The following KIF13A variants were observed in gnomAD, a reference collection of about 807,000 sequenced individuals.
KIF13A encodes the protein kinesin-like protein KIF13A.
KIF13A carries 79 observed loss-of-function variants against 212.2 expected under a neutral mutation model. That is an observed-to-expected ratio of 0.37 (90% CI 0.31 to 0.45). The LOEUF (loss-of-function observed/expected upper bound fraction) is 0.45, where lower values mean the gene tolerates loss of function less well. Among genes scored for constraint, KIF13A ranks in the 20% least tolerant of loss-of-function variants. The probability of loss-of-function intolerance (pLI) is 1.00; values close to 1 mark genes in which losing one functional copy is unlikely to be tolerated. For synonymous variants in KIF13A, 789 were observed against 808.6 expected (o/e 0.98, Z 0.41); for missense variants, 1,901 against 2,209.0 (o/e 0.86, Z 2.79).
intron 2 of KIF13A, among the ~76,000 whole-genome samples, chr6:17,972,396 T>C (rs1317041095): frequency 6.6e-6 from 1 of 152,210 alleles, no homozygotes; most frequent in East Asian, 1.9e-4. Flanking sequence ...TTAAAAACCT[T>C]ACAAAGGTCC....
intron 9 of KIF13A, among the ~76,000 whole-genome samples, chr6:17,842,033 G>GTA (rs1231351646): frequency 5.0e-5 from 7 of 140,722 alleles, no homozygotes; most frequent in African/African-American, 1.4e-4. Context: ...GTGTGTGTGT[G>GTA]TATACACTTA....
At chr6:17,975,069 C>T (rs1780194499) in intron 2 of KIF13A, among the ~76,000 whole-genome samples, 1 of 152,238 alleles carries the variant, frequency 6.6e-6, no homozygotes, top group Non-Finnish European at 1.5e-5. Flanking sequence ...CCCAGCTGGG[C>T]GCAGTGGTTC....
chr6:17,929,079 A>AC (rs1173057769), intron 2 of KIF13A, among the ~76,000 whole-genome samples: 1 of 151,596 alleles, frequency 6.6e-6, no homozygotes, highest in Non-Finnish European at 1.5e-5. Context: ...AAAAAAAAAA[A>AC]AAAACAAAGG....
At chr6:17,962,331 A>C (rs1330504197) in intron 2 of KIF13A, among the ~76,000 whole-genome samples, 6 of 152,206 alleles carry the variant, frequency 3.9e-5, no homozygotes, top group South Asian at 2.1e-4. Context: ...GAAAAAAAAA[A>C]CATGGTAATA....
chr6:17,837,073 G>A lies in KIF13A; in HGVS notation c.960C>T (p.Asn320=). ...TWLLKDNLGG[N]SQTSMIATIS... ...TTGTGGCTATCATAGAGGTTTGGCT[G>A]TTGCCCCCCAAGTTGTCCTGCCAAG... is the stretch of plus-strand genomic sequence containing the variant. Residue 320 remains asparagine (N), a synonymous_variant, in exon 11 of 39, where the codon AAC becomes AAT. Coordinates refer to ENST00000259711, the MANE Select transcript of KIF13A (RefSeq NM_022113.6). This position sits in a 1 kb window ranked among gnomAD's most constrained non-coding sequence, Gnocchi z 5.4. 2.5e-6 allele frequency: 4 copies of A among 1,613,750 alleles called. No individual in the cohort carries two copies. The highest frequency in any genetic ancestry group is 3.4e-6 in the Non-Finnish European group (4 of 1,179,794).
At chr6:17,848,945 T>C (rs1015979069) in intron 9 of KIF13A, among the ~76,000 whole-genome samples, 1 of 152,112 alleles carries the variant, frequency 6.6e-6, no homozygotes, top group African/African-American at 2.4e-5. Context: ...TTTGAGATAG[T>C]CTCACTCTGT....
In KIF13A at chr6:17,771,349, C is replaced by T; in HGVS notation, c.4477-131G>A. The T allele has an allele frequency of 1.6e-6, 1 of 629,476 alleles. No individual in the cohort carries two copies. The highest frequency in any genetic ancestry group is 1.9e-5 in the South Asian group (1 of 53,894). The allele number at this position is 629,476 out of a possible 1,614,324, so 39.0% of individuals were successfully genotyped here. A position where few individuals can be genotyped will look rare whatever the true frequency, so the allele number is the denominator to read the frequency against. On this transcript the variant is annotated intron_variant, in intron 37 of 38. Transcript: ENST00000259711. This position sits in a 1 kb window ranked among gnomAD's most constrained non-coding sequence, Gnocchi z 5.4. ...CATGTGAGTAATGCAGCAGCCAATT[C>T]TGCAGGCCAGAGTTAAACTACTGGA...
In KIF13A at chr6:17,764,826, C is replaced by G; in HGVS notation, c.4702G>C (p.Glu1568Gln). ...SVYNASLENR[E>Q]WFSSKVDLSN... ...AGATCTACTTTAGAGGAAAACCATT[C>G]CCTGTTCTCCAAGCTGGCATTGTAA... The change falls in exon 39 of 39, where the codon GAA (glutamate) becomes CAA (glutamine). Residue 1568 changes from glutamate to glutamine, a missense_variant. Glu to Gln is a conservative substitution (Grantham distance 29). Coordinates refer to ENST00000259711, the MANE Select transcript of KIF13A (RefSeq NM_022113.6). This position sits in a 1 kb window ranked among gnomAD's most constrained non-coding sequence, Gnocchi z 5.1. 1 of 1,613,706 alleles carries G rather than the reference C, an allele frequency of 6.2e-7. No individual in the cohort carries two copies. The highest frequency in any genetic ancestry group is 8.5e-7 in the Non-Finnish European group (1 of 1,179,758).
chr6:17,865,073 G>A (rs1769221031), intron 4 of KIF13A, among the ~76,000 whole-genome samples: 1 of 152,164 alleles, frequency 6.6e-6, no homozygotes, highest in African/African-American at 2.4e-5. Flanking sequence ...GAGGATATAC[G>A]CCCTATCTTG....
intron 28 of KIF13A, among the ~76,000 whole-genome samples, chr6:17,784,168 C>T (rs1173128581): frequency 1.3e-5 from 2 of 152,088 alleles, no homozygotes; most frequent in African/African-American, 4.8e-5. Context: ...GCCTGTAATC[C>T]CAGCACTTTG....
chr6:17,817,714 T>C (rs1764073899), intron 16 of KIF13A, among the ~76,000 whole-genome samples: 2 of 152,224 alleles, frequency 1.3e-5, no homozygotes, highest in South Asian at 2.1e-4. Context: ...CCTATTACTA[T>C]TGAATTTCTC....
intron 9 of KIF13A, among the ~76,000 whole-genome samples, chr6:17,846,467 C>G (rs1562049174): frequency 6.6e-6 from 1 of 151,876 alleles, no homozygotes; most frequent in Non-Finnish European, 1.5e-5. Flanking sequence ...GTGAAAGAGA[C>G]AGTATGTAAA....
chr6:17,965,153 A>G (rs1779188880), intron 2 of KIF13A, among the ~76,000 whole-genome samples: 1 of 152,138 alleles, frequency 6.6e-6, no homozygotes, highest in Admixed American at 6.5e-5. Flanking sequence ...CAAAGGAAAC[A>G]CATGTGTCCC....
At chr6:17,858,099 GTGTGTGTGTGTGTGCATGCACGCA>G (rs1432530022) in intron 4 of KIF13A, among the ~76,000 whole-genome samples, 32 of 136,990 alleles carry the variant, frequency 2.3e-4, no homozygotes, top group South Asian at 9.1e-4. Flanking sequence ...GTGTGTGTGT[GTGTGTGTGTGTGTGCATGCACGCA>G]TGTGTGTGTG....
chr6:17,775,383 G>GT (rs1759867385), intron 34 of KIF13A, among the ~76,000 whole-genome samples: 1 of 152,020 alleles, frequency 6.6e-6, no homozygotes, highest in Non-Finnish European at 1.5e-5. Context: ...ACTATTTTTA[G>GT]TATCATTTAA....
intron 2 of KIF13A, among the ~76,000 whole-genome samples, chr6:17,966,356 C>T (rs1247473597): frequency 6.6e-6 from 1 of 151,908 alleles, no homozygotes; most frequent in Non-Finnish European, 1.5e-5. Context: ...TGAGAATACC[C>T]TAGTATACCC....
rs1426328418 is a variant in KIF13A at position 17,828,527 on chromosome 6, G to A, written c.1402-157C>T. ...ATATCTTAAGCATTAAAAGTAAAAC[G>A]CTTACCCTTAATACACCAAATTAAA... On this transcript the variant is annotated intron_variant, in intron 13 of 38. Transcript: ENST00000259711. This position sits in a 1 kb window ranked among gnomAD's most constrained non-coding sequence, Gnocchi z 4.3. Among the ~76,000 whole-genome samples the A allele has an allele frequency of 6.6e-6, 1 of 151,794 alleles. No individual in the cohort carries two copies. Among genetic ancestry groups the A allele is most frequent in the Non-Finnish European group, 1.5e-5 (1 of 68,010 alleles).
rs1009717097 is a variant in KIF13A at position 17,900,436 on chromosome 6, A to C, written c.147-2256T>G. 2.0e-5 allele frequency among the ~76,000 whole-genome samples: 3 copies of C among 152,240 alleles called. No homozygotes were observed. Among genetic ancestry groups the C allele is most frequent in the Non-Finnish European group, 4.4e-5 (3 of 68,046 alleles). ...AGCACTTTAAAAGTCTTTCTCACTTAGAAGATAGCCCATAACATGGGAATA... is the reference window on the plus strand; with the variant it reads ...AGCACTTTAAAAGTCTTTCTCACTTCGAAGATAGCCCATAACATGGGAATA... On this transcript the variant is annotated intron_variant, in intron 2 of 38. Transcript: ENST00000259711. The surrounding 1 kb of genome is among the most constrained non-coding windows in gnomAD (Gnocchi z 4.6).
At chr6:17,978,974 G>A (rs1225227022) in intron 2 of KIF13A, among the ~76,000 whole-genome samples, 2 of 152,184 alleles carry the variant, frequency 1.3e-5, no homozygotes, top group African/African-American at 2.4e-5. Context: ...TAACAGTGAT[G>A]CAAAAAGTAT....
Sources: gnomAD v4.1 joint callset for allele counts (sites outside exome capture counted in the v4.1 genomes callset) on GRCh38, gnomAD v4.1.1 for gene constraint, Gnocchi (gnomAD v3.1) non-coding constraint, MANE v1.5 for transcripts, NCBI Gene and HGNC (gene_info 2026-07-23, HGNC 2026-07-21) for gene names.